TMCO4: variants seen among roughly 807,000 people sequenced by gnomAD.
TMCO4 encodes transmembrane and coiled-coil domains 4.
A neutral mutation model predicts 64.7 loss-of-function variants in TMCO4; 58 were observed. That is an observed-to-expected ratio of 0.90 (90% CI 0.73 to 1.12). The LOEUF (loss-of-function observed/expected upper bound fraction) is 1.12, where lower values mean the gene tolerates loss of function less well. Ranked by LOEUF, TMCO4 falls within the 50% of genes most tolerant of loss-of-function variation. The pLI is 0.00. For synonymous variants in TMCO4, 325 were observed against 346.1 expected (o/e 0.94, Z 0.68); for missense variants, 780 against 825.9 (o/e 0.94, Z 0.68).
chr1:19,733,340 C>T (rs2095438316), intron 13 of TMCO4, among the ~76,000 whole-genome samples: 1 of 152,132 alleles, frequency 6.6e-6, no homozygotes, highest in Admixed American at 6.5e-5. Flanking sequence ...TCCCTTCTAC[C>T]CTCAAATGTT....
At chr1:19,750,069 A>C (rs1008942640) in intron 7 of TMCO4, 1 of 152,220 alleles carries the variant, frequency 6.6e-6, no homozygotes, top group African/African-American at 2.4e-5. Flanking sequence ...AGACATAGTG[A>C]CTACCATCCT....
At chr1:19,691,307 G>C (rs969676414) in intron 15 of TMCO4, among the ~76,000 whole-genome samples, 1 of 152,184 alleles carries the variant, frequency 6.6e-6, no homozygotes, top group Non-Finnish European at 1.5e-5. Context: ...TGGTGGGTTA[G>C]GAATTTTGTC....
intron 14 of TMCO4, 44 bp from the exon 15 acceptor site, chr1:19,694,595 G>C: frequency 6.3e-7 from 1 of 1,588,586 alleles, no homozygotes. Context: ...CACCAGCCTC[G>C]GACAGCCCAA....
intron 6 of TMCO4, among the ~76,000 whole-genome samples, chr1:19,759,974 G>T (rs1411196286): frequency 6.6e-6 from 1 of 152,050 alleles, no homozygotes; most frequent in African/African-American, 2.4e-5. Context: ...GTGGCCACCT[G>T]CCCCAAGCAG....
At chr1:19,716,743 C>G (rs1184414434) in intron 13 of TMCO4, among the ~76,000 whole-genome samples, 1 of 152,102 alleles carries the variant, frequency 6.6e-6, no homozygotes, top group Non-Finnish European at 1.5e-5. Context: ...GCTGGCCGTG[C>G]AGATGGAGGA....
At chr1:19,747,724 C>G (rs1373441872) in intron 7 of TMCO4, among the ~76,000 whole-genome samples, 1 of 152,062 alleles carries the variant, frequency 6.6e-6, no homozygotes, top group African/African-American at 2.4e-5. Flanking sequence ...GATGGGAGAC[C>G]TTGGCCTTGG....
At chr1:19,716,584 T>C (rs572172019) in intron 13 of TMCO4, among the ~76,000 whole-genome samples, 1 of 151,754 alleles carries the variant, frequency 6.6e-6, no homozygotes, top group Non-Finnish European at 1.5e-5. Context: ...AAAGGGTCAG[T>C]AGAAAGAACC....
chr1:19,683,428 T>C lies in TMCO4; in HGVS notation c.1517A>G (p.Asp506Gly). The change falls in exon 16 of 16, where the codon GAC becomes GGC. Residue 506 changes from aspartate to glycine, a missense_variant. Asp to Gly is a moderately conservative substitution (Grantham distance 94, BLOSUM62 -1). Coordinates refer to ENST00000294543, the MANE Select transcript of TMCO4 (RefSeq NM_181719.7). Reference protein sequence around the residue: ...DLTSVVSGHLDYAKQMDAILK... With the variant: ...DLTSVVSGHLGYAKQMDAILK... Reference sequence around the variant, plus strand: ...GATGGCATCCATCTGCTTGGCATAGTCCAGGTGGCCGCTGACCTGCAGGAG... The same window carrying C: ...GATGGCATCCATCTGCTTGGCATAGCCCAGGTGGCCGCTGACCTGCAGGAG... 3 of 1,612,896 alleles carry C rather than the reference T, an allele frequency of 1.9e-6. No homozygotes were observed. The highest frequency in any genetic ancestry group is 1.3e-5 in the African/African-American group (1 of 75,050).
At chr1:19,689,516 G>T (rs1413812447) in intron 15 of TMCO4, among the ~76,000 whole-genome samples, 1 of 152,164 alleles carries the variant, frequency 6.6e-6, no homozygotes, top group Non-Finnish European at 1.5e-5. Flanking sequence ...CCATTTCCTA[G>T]ATGAGGACAC....
In TMCO4 at chr1:19,765,163, G is replaced by C. The variant is rs796651582; in HGVS notation, c.382+5379C>G. Among the ~76,000 whole-genome samples, 28 of 152,252 alleles carry C rather than the reference G, an allele frequency of 1.8e-4. 2 individuals are homozygous for C. The highest frequency in any genetic ancestry group is 6.7e-4 in the African/African-American group (28 of 41,566). On this transcript the variant is annotated intron_variant, in intron 6 of 15. Transcript: ENST00000294543. The stretch of plus-strand genomic sequence containing the variant: ...GGGACCAATACAGAGTTCACGGTGA[G>C]ATTCACTTGGCCTTAAATGGAGTTT...
rs138938855 is a variant in TMCO4, at chr1:19,700,794, G to A, written c.1356C>T (p.Ser452=). 295 of 1,614,162 alleles carry A rather than the reference G, an allele frequency of 1.8e-4. No homozygotes were observed. The highest frequency in any genetic ancestry group is 1.6e-4 in the Non-Finnish European group (188 of 1,180,010). Reference sequence around the variant, plus strand: ...TGCAGTAGCCGTTGATGATCCTCCCGGACACCACCTTCCGGAAAGGCTCCC... The same window carrying A: ...TGCAGTAGCCGTTGATGATCCTCCCAGACACCACCTTCCGGAAAGGCTCCC... The part of the protein sequence containing the change: ...KHWEPFRKVV[S]GRIINGYCRG... The change falls in exon 14 of 16, where the codon TCC becomes TCT. Residue 452 remains serine (S), a synonymous_variant. Transcript: ENST00000294543.
intron 3 of TMCO4, among the ~76,000 whole-genome samples, chr1:19,783,999 C>T (rs1184242816): frequency 3.3e-5 from 5 of 152,216 alleles, no homozygotes; most frequent in Non-Finnish European, 7.3e-5. Context: ...CCAAGGGCAG[C>T]ACTAGCCTGA....
intron 4 of TMCO4, among the ~76,000 whole-genome samples, chr1:19,780,360 A>G (rs923725177): frequency 1.5e-4 from 23 of 152,250 alleles, no homozygotes; most frequent in African/African-American, 5.1e-4. Flanking sequence ...AGTAATTCTC[A>G]TTCACCCACC....
chr1:19,748,749 CAGGAGG>C (rs367856974), intron 7 of TMCO4, among the ~76,000 whole-genome samples: 3 of 152,256 alleles, frequency 2.0e-5, no homozygotes, highest in African/African-American at 7.2e-5. Context: ...TACTTGAACC[CAGGAGG>C]AGGAGGTTGC....
chr1:19,686,508 GT>G (rs1368736905), intron 15 of TMCO4, among the ~76,000 whole-genome samples: 12 of 152,192 alleles, frequency 7.9e-5, no homozygotes, highest in Non-Finnish European at 1.0e-4. Context: ...TCCCTGTACA[GT>G]TTTGTTATTT....
chr1:19,689,342 C>A (rs1010143531), intron 15 of TMCO4, among the ~76,000 whole-genome samples: 9 of 152,192 alleles, frequency 5.9e-5, no homozygotes, highest in Non-Finnish European at 1.5e-5. Context: ...GAAGCTGCCA[C>A]GAAGACAGCC....
intron 15 of TMCO4, among the ~76,000 whole-genome samples, chr1:19,687,538 C>T (rs964681372): frequency 2.6e-5 from 4 of 152,160 alleles, no homozygotes; most frequent in African/African-American, 7.2e-5. Context: ...TAGTTTCCTA[C>T]GAGTGGGGGA....
Position 19,682,596 on chromosome 1 carries a change from A to T in TMCO4, c.*444T>A, listed in dbSNP as rs1446344858. The T allele has an allele frequency of 1.4e-6, 1 of 717,162 alleles. No individual in the cohort carries two copies. The allele number at this position is 717,162 out of a possible 1,614,324, so 44.4% of individuals were successfully genotyped here. A position where few individuals can be genotyped will look rare whatever the true frequency, so the allele number is the denominator to read the frequency against. On this transcript the variant is annotated 3_prime_UTR_variant, in exon 16 of 16. Coordinates refer to ENST00000294543, the MANE Select transcript of TMCO4 (RefSeq NM_181719.7). ...CCTGTCAGCTGGTGGGCAGCCCTGG[A>T]GTGTGGATGGAAGAACAGGCATGCA...
chr1:19,726,090 AG>A (rs2095407628), intron 13 of TMCO4, among the ~76,000 whole-genome samples: 1 of 152,232 alleles, frequency 6.6e-6, no homozygotes. Flanking sequence ...GGCCTGAGCC[AG>A]GGGCTGGTGA....
Sources: allele counts gnomAD v4.1 joint callset (sites outside exome capture counted in the v4.1 genomes callset), GRCh38; gene constraint gnomAD v4.1.1; transcripts MANE v1.5; gene names NCBI Gene and HGNC (gene_info 2026-07-23, HGNC 2026-07-21).